Variants in DLGAP1 observed in about 807,000 individuals in gnomAD.
DLGAP1 encodes the protein DLG associated protein 1.
Under a neutral mutation model 90.8 loss-of-function variants are expected in DLGAP1, and 11 were observed. The observed-to-expected ratio is 0.12, with a 90% CI of 0.08 to 0.20. The LOEUF is 0.20. DLGAP1 is among the 10% of genes least tolerant of loss of function. The pLI is 1.00. For missense variants in DLGAP1, 1,050 were observed against 1,333.8 expected (o/e 0.79, Z 3.31); for synonymous variants, 558 against 540.7 (o/e 1.03, Z -0.44).
At chr18:4,188,865 A>T (rs1272007719) in intron 1 of DLGAP1, among the ~76,000 whole-genome samples, 1 of 152,172 alleles carries the variant, frequency 6.6e-6, no homozygotes, top group African/African-American at 2.4e-5. Context: ...CGTCACATAA[A>T]GTCATTGACA....
At chr18:4,019,598 G>C (rs1470998728) in intron 2 of DLGAP1, among the ~76,000 whole-genome samples, 1 of 151,766 alleles carries the variant, frequency 6.6e-6, no homozygotes. Context: ...GCACTTCACA[G>C]ATTTGTTTCT....
intron 1 of DLGAP1, among the ~76,000 whole-genome samples, chr18:4,375,592 T>C (rs1390794923): frequency 6.6e-6 from 1 of 152,148 alleles, no homozygotes; most frequent in Non-Finnish European, 1.5e-5. Flanking sequence ...CTTTATTTGA[T>C]CTACCAGAGC....
At chr18:4,203,890 G>A (rs1050166891) in intron 1 of DLGAP1, among the ~76,000 whole-genome samples, 8 of 152,192 alleles carry the variant, frequency 5.3e-5, no homozygotes, top group Admixed American at 2.0e-4. Flanking sequence ...TACTCAGCCC[G>A]AGGAGGTCAG....
chr18:4,102,130 T>A (rs1444013433), intron 2 of DLGAP1, among the ~76,000 whole-genome samples: 2 of 152,152 alleles, frequency 1.3e-5, no homozygotes, highest in South Asian at 2.1e-4. Flanking sequence ...GATGAAGGAG[T>A]AAACTTTTTA....
intron 2 of DLGAP1, among the ~76,000 whole-genome samples, chr18:4,022,817 G>T (rs2074636454): frequency 7.7e-6 from 1 of 129,230 alleles, no homozygotes; most frequent in African/African-American, 2.8e-5. Flanking sequence ...AGGTATCAGG[G>T]ATTCCATTTC....
chr18:3,657,884 T>G (rs991768187), intron 7 of DLGAP1, among the ~76,000 whole-genome samples: 6 of 152,088 alleles, frequency 3.9e-5, no homozygotes, highest in South Asian at 4.2e-4. Context: ...GATTACAGGC[T>G]TGAGCCACCG....
chr18:4,218,062 C>G (rs1285580620), intron 1 of DLGAP1, among the ~76,000 whole-genome samples: 1 of 150,604 alleles, frequency 6.6e-6, no homozygotes, highest in Non-Finnish European at 1.5e-5. Context: ...ACATGTCTGT[C>G]TACGATTTAT....
intron 1 of DLGAP1, among the ~76,000 whole-genome samples, chr18:4,164,396 C>T (rs1001515168): frequency 3.9e-5 from 6 of 152,146 alleles, no homozygotes; most frequent in East Asian, 3.9e-4. Context: ...CAGACACTGC[C>T]GGGGCTGGGT....
At chr18:3,719,415 G>A (rs1419520384) in intron 7 of DLGAP1, among the ~76,000 whole-genome samples, 2 of 151,806 alleles carry the variant, frequency 1.3e-5, no homozygotes, top group South Asian at 2.1e-4. Flanking sequence ...AAAATTAGCC[G>A]GGTGTGGTGG....
chr18:3,547,162 G>A lies in DLGAP1; in HGVS notation c.2058-12547C>T, dbSNP rs142159493. On this transcript the variant is annotated intron_variant, in intron 9 of 12. Coordinates refer to ENST00000315677, the MANE Select transcript of DLGAP1 (RefSeq NM_004746.4). ...TAAAAATACAAAAAATTAGCCAGGC[G>A]TGGTGGCGGGCGCCGGTAGTCCCAG... Among the ~76,000 whole-genome samples the A allele has an allele frequency of 1.6e-4, 25 of 151,848 alleles. 2 individuals carry two copies. The highest frequency in any genetic ancestry group is 2.2e-4 in the African/African-American group (9 of 41,494).
intron 7 of DLGAP1, among the ~76,000 whole-genome samples, chr18:3,688,866 C>T (rs1003777173): frequency 1.3e-5 from 2 of 152,100 alleles, no homozygotes; most frequent in African/African-American, 2.4e-5. Context: ...CAGAACCCTC[C>T]GAGGCCCTTT....
chr18:4,035,582 G>C (rs911817086), intron 2 of DLGAP1, among the ~76,000 whole-genome samples: 6 of 152,096 alleles, frequency 3.9e-5, no homozygotes, highest in Non-Finnish European at 8.8e-5. Context: ...TAAAGTGAGA[G>C]GAGATCGTAT....
chr18:4,024,224 G>T (rs2074662537), intron 2 of DLGAP1, among the ~76,000 whole-genome samples: 1 of 152,136 alleles, frequency 6.6e-6, no homozygotes, highest in Non-Finnish European at 1.5e-5. Context: ...ATACATGAAT[G>T]ACTTGTCAAA....
chr18:4,441,992 T>G (rs1010690472), intron 1 of DLGAP1, among the ~76,000 whole-genome samples: 1 of 152,092 alleles, frequency 6.6e-6, no homozygotes, highest in African/African-American at 2.4e-5. Flanking sequence ...TATCACTTTT[T>G]TGTTTGTTTG....
chr18:4,316,825 C>T (rs924735254), intron 1 of DLGAP1, among the ~76,000 whole-genome samples: 2 of 152,162 alleles, frequency 1.3e-5, no homozygotes, highest in Non-Finnish European at 2.9e-5. Flanking sequence ...ACAATTTGGC[C>T]ACTAGATTTA....
chr18:3,631,488 C>G (rs1042676862), intron 7 of DLGAP1, among the ~76,000 whole-genome samples: 8 of 152,126 alleles, frequency 5.3e-5, no homozygotes, highest in African/African-American at 1.7e-4. Flanking sequence ...TGGCTCATGT[C>G]TGTAATCTTT....
chr18:3,572,722 T>C (rs2054885983), intron 8 of DLGAP1, among the ~76,000 whole-genome samples: 1 of 152,172 alleles, frequency 6.6e-6, no homozygotes. Context: ...AATACTGGGA[T>C]TACAGGTGTG....
intron 7 of DLGAP1, among the ~76,000 whole-genome samples, chr18:3,714,152 C>A (rs75558039): frequency 0.042 from 6,362 of 152,156 alleles, 464 homozygotes; most frequent in African/African-American, 0.15. Flanking sequence ...GAAATTAATT[C>A]CAGGGGAGAC....
chr18:4,153,964 T>A (rs1198976423), intron 1 of DLGAP1, among the ~76,000 whole-genome samples: 2 of 152,184 alleles, frequency 1.3e-5, no homozygotes, highest in African/African-American at 4.8e-5. Flanking sequence ...GAAGGAAGAA[T>A]GGAAGAGACA....
Sources: allele counts gnomAD v4.1 joint callset (sites outside exome capture counted in the v4.1 genomes callset), GRCh38; gene constraint gnomAD v4.1.1; transcripts MANE v1.5; gene names NCBI Gene and HGNC (gene_info 2026-07-23, HGNC 2026-07-21).